Variants in ARID4B observed in about 807,000 individuals in gnomAD.
ARID4B encodes AT-rich interaction domain 4B.
ARID4B carries 26 observed loss-of-function variants against 147.5 expected under a neutral mutation model. The observed-to-expected ratio is 0.18, with a 90% CI of 0.13 to 0.24. ARID4B has a LOEUF of 0.24. Ranked by LOEUF, ARID4B falls within the 10% of genes least tolerant of loss-of-function variation. ARID4B has a pLI of 1.00. For missense variants in ARID4B, 1,179 were observed against 1,511.5 expected, an observed-to-expected ratio of 0.78 and a Z score of 3.65; for synonymous variants, 512 against 507.9, an observed-to-expected ratio of 1.01 and a Z score of -0.11.
chr1:235,214,812 A>ATT (rs1289491834), intron 16 of ARID4B, among the ~76,000 whole-genome samples: 1 of 147,494 alleles, frequency 6.8e-6, no homozygotes, highest in African/African-American at 2.5e-5. Flanking sequence ...TAAAAGTCAA[A>ATT]CTATTCTAGA....
At chr1:235,280,636 G>A (rs1671606012) in intron 2 of ARID4B, among the ~76,000 whole-genome samples, 1 of 152,252 alleles carries the variant, frequency 6.6e-6, no homozygotes, top group African/African-American at 2.4e-5. Context: ...CCCAGGCGAA[G>A]AACAGCCAGG....
At chr1:235,315,015 T>TTAA (rs1674330327) in intron 2 of ARID4B, among the ~76,000 whole-genome samples, 1 of 152,210 alleles carries the variant, frequency 6.6e-6, no homozygotes, top group Admixed American at 6.5e-5. Flanking sequence ...GCAGATAGCA[T>TTAA]TAATAGAACT....
At chr1:235,277,463 C>T (rs55970305) in intron 2 of ARID4B, among the ~76,000 whole-genome samples, 5,867 of 150,330 alleles carry the variant, frequency 0.039, 442 homozygotes, top group African/African-American at 0.14. Flanking sequence ...GGCGTGAACC[C>T]GGGAGGCGGA....
At chr1:235,324,558 C>A (rs1218478019) in intron 2 of ARID4B, among the ~76,000 whole-genome samples, 2 of 152,190 alleles carry the variant, frequency 1.3e-5, no homozygotes, top group Non-Finnish European at 2.9e-5. Context: ...ACAATTCAAA[C>A]TTAAAAGCTT....
rs185880256 is a variant in ARID4B at position 235,239,484 on chromosome 1, T to C, written c.585+829A>G. Among the ~76,000 whole-genome samples the C allele has an allele frequency of 1.1e-3, 163 of 152,340 alleles. No homozygotes were observed. In the Middle Eastern group the frequency reaches 0.027, roughly 25 times the overall value. ...ACAAATTATTTTGTCTACCAAAAGA[T>C]TATTTGAAAAGCAGCCTAGTTATGT... On this transcript the variant is annotated intron_variant, in intron 8 of 23. Coordinates refer to ENST00000264183, the MANE Select transcript of ARID4B (RefSeq NM_016374.6).
At chr1:235,249,450 C>T (rs930606179) in intron 6 of ARID4B, among the ~76,000 whole-genome samples, 1 of 152,184 alleles carries the variant, frequency 6.6e-6, no homozygotes, top group African/African-American at 2.4e-5. Context: ...CAGCAGGTAA[C>T]ATACTCATTA....
At chr1:235,230,594 T>TAAAAAAAAAAAAAAAA (rs1175996354) in intron 10 of ARID4B, among the ~76,000 whole-genome samples, 24 of 58,396 alleles carry the variant, frequency 4.1e-4, no homozygotes, top group African/African-American at 1.4e-3. Context: ...GACTATAAGC[T>TAAAAAAAAAAAAAAAA]AAAAAAAAAA....
At chr1:235,183,848 A>G (rs1664492532) in intron 19 of ARID4B, among the ~76,000 whole-genome samples, 1 of 151,370 alleles carries the variant, frequency 6.6e-6, no homozygotes, top group South Asian at 2.1e-4. Context: ...CCCAGGCACT[A>G]TCATGGCTCA....
At chr1:235,306,669 T>A (rs1673591507) in intron 2 of ARID4B, among the ~76,000 whole-genome samples, 1 of 152,128 alleles carries the variant, frequency 6.6e-6, no homozygotes, top group Non-Finnish European at 1.5e-5. Flanking sequence ...AATCTCTTTT[T>A]TTAAGACAGA....
intron 10 of ARID4B, among the ~76,000 whole-genome samples, chr1:235,230,594 T>TTAAAAAA (rs1491526188): frequency 1.7e-5 from 1 of 58,412 alleles, no homozygotes; most frequent in African/African-American, 6.7e-5. Flanking sequence ...GACTATAAGC[T>TTAAAAAA]AAAAAAAAAA....
chr1:235,194,023 A>T lies in ARID4B; in HGVS notation c.2115T>A (p.Asn705Lys). 6.2e-7 allele frequency: 1 copy of T among 1,601,138 alleles called. No homozygotes were observed. The highest frequency in any genetic ancestry group is 8.6e-7 in the Non-Finnish European group (1 of 1,168,932). Reference protein sequence around the residue: ...IKSIEITSILNGLQASESSAE... With the variant: ...IKSIEITSILKGLQASESSAE... ...GATTGTTATGTTTACCTTGAAGTCC[A>T]TTAAGGATCGAAGTAATTTCTATGG... is the stretch of plus-strand genomic sequence containing the variant. The change falls in exon 19 of 24, where the codon AAT becomes AAA. Residue 705 changes from asparagine to lysine, a missense_variant. By Grantham distance (94) the Asn-to-Lys change is moderately conservative. Transcript: ENST00000264183.
At chr1:235,279,211 C>A (rs1399848532) in intron 2 of ARID4B, among the ~76,000 whole-genome samples, 1 of 152,066 alleles carries the variant, frequency 6.6e-6, no homozygotes, top group Non-Finnish European at 1.5e-5. Flanking sequence ...CACCCCCCAC[C>A]CCCGGCAAGA....
intron 21 of ARID4B, among the ~76,000 whole-genome samples, chr1:235,175,978 T>C (rs1334396643): frequency 6.6e-6 from 1 of 152,178 alleles, no homozygotes; most frequent in Non-Finnish European, 1.5e-5. Context: ...AATTCAGAAG[T>C]CTGTGTAACA....
chr1:235,316,228 T>TG (rs1441220527), intron 2 of ARID4B, among the ~76,000 whole-genome samples: 1 of 152,090 alleles, frequency 6.6e-6, no homozygotes, highest in African/African-American at 2.4e-5. Flanking sequence ...CAAAAATAAG[T>TG]GGGGTGCAGT....
chr1:235,180,614 G>A (rs550612934), intron 20 of ARID4B: 6 of 152,152 alleles, frequency 3.9e-5, no homozygotes, highest in Admixed American at 2.0e-4. Flanking sequence ...CAATTTAATT[G>A]CAAGTATTTT....
intron 2 of ARID4B, among the ~76,000 whole-genome samples, chr1:235,317,848 A>G (rs944653741): frequency 6.6e-6 from 1 of 152,196 alleles, no homozygotes; most frequent in African/African-American, 2.4e-5. Context: ...TAATTTTTTA[A>G]ATGTCCAACT....
rs745611292 is a variant in ARID4B, at chr1:235,220,346, T to C, written c.1363A>G (p.Ile455Val). 4.7e-5 allele frequency: 76 copies of C among 1,609,018 alleles called. No homozygotes were observed. The highest frequency in any genetic ancestry group is 6.0e-5 in the Non-Finnish European group (71 of 1,177,154). ...RNIIPREEKP[I>V]EDEIERKENI... ...TCTTTTCTTTCAATTTCATCCTCAA[T>C]AGGCTTTTCTTCTCTTGGTATTATA... Residue 455 changes from isoleucine (I) to valine (V), a missense_variant, in exon 15 of 24, where the codon ATT (isoleucine) becomes GTT (valine). Physicochemically the swap from Ile to Val is conservative, Grantham distance 29. Transcript: ENST00000264183.
intron 17 of ARID4B, among the ~76,000 whole-genome samples, chr1:235,208,513 T>C (rs755287119): frequency 2.0e-5 from 3 of 150,868 alleles, no homozygotes; most frequent in Non-Finnish European, 4.4e-5. Context: ...TTTTTTTCTA[T>C]TTTTTTGAGA....
chr1:235,263,552 C>T (rs762127236), intron 2 of ARID4B, among the ~76,000 whole-genome samples: 9 of 152,090 alleles, frequency 5.9e-5, no homozygotes, highest in Non-Finnish European at 8.8e-5. Context: ...TATAAAAATC[C>T]GTGTTGACGG....
Sources: allele counts gnomAD v4.1 joint callset (sites outside exome capture counted in the v4.1 genomes callset), GRCh38; gene constraint gnomAD v4.1.1; transcripts MANE v1.5; gene names NCBI Gene and HGNC (gene_info 2026-07-23, HGNC 2026-07-21).